Variants in ZNF197 observed in about 807,000 individuals in gnomAD.
The protein encoded by ZNF197 is VHL-associated KRAB-A domain-containing protein.
A neutral mutation model predicts 27.4 loss-of-function variants in ZNF197; 14 were observed. The ratio of observed to expected loss-of-function variants is 0.51; its 90% confidence interval spans 0.34 to 0.80. The LOEUF is 0.80. Among genes scored for constraint, ZNF197 ranks in the 30% least tolerant of loss-of-function variants. ZNF197 has a pLI of 0.02. For synonymous variants in ZNF197, 415 were observed against 420.0 expected (o/e 0.99, Z 0.15); for missense variants, 1,090 against 1,222.6 (o/e 0.89, Z 1.62).
chr3:44,642,674 G>A lies in ZNF197; in HGVS notation c.1544G>A (p.Cys515Tyr). 2 of 1,614,066 alleles carry A rather than the reference G, an allele frequency of 1.2e-6. No homozygotes were observed. Among genetic ancestry groups the A allele is most frequent in the Non-Finnish European group, 1.7e-6 (2 of 1,180,018 alleles). ...KGEEPYKCNKCQKAFILKKSL... is the reference protein window; with the variant it reads ...KGEEPYKCNKYQKAFILKKSL... ...GAAGAACCTTATAAATGTAATAAGT[G>A]TCAGAAAGCTTTCATTCTGAAGAAG... Residue 515 changes from cysteine to tyrosine, a missense_variant, in exon 6 of 6, where the codon TGT becomes TAT. By Grantham distance (194) the Cys-to-Tyr change is radical. Coordinates refer to ENST00000344387, the MANE Select transcript of ZNF197 (RefSeq NM_006991.5).
intron 5 of ZNF197, among the ~76,000 whole-genome samples, chr3:44,639,881 A>T (rs1702501717): frequency 6.6e-6 from 1 of 152,008 alleles, no homozygotes; most frequent in South Asian, 2.1e-4. Context: ...TACCAGAAAA[A>T]CAGGCAGTGG....
At position 44,647,174 on chromosome 3, in the gene ZNF197, CATTTCACTGAAGTATAG is replaced by C. The variant is rs955301509; in HGVS notation, c.*2957_*2973del. ...AATTAGAAAATAAGCAAAAGACAGACATTTCACTGAAGTATAGATAGCAAATAAGCAAATGAAAAGAT... is the reference window on the plus strand; with the variant it reads ...AATTAGAAAATAAGCAAAAGACAGACATAGCAAATAAGCAAATGAAAAGAT... On this transcript the variant is annotated 3_prime_UTR_variant, in exon 6 of 6. Coordinates refer to ENST00000344387, the MANE Select transcript of ZNF197 (RefSeq NM_006991.5). The C allele has an allele frequency of 6.6e-6, 1 of 152,058 alleles. No homozygotes were observed. Among genetic ancestry groups the C allele is most frequent in the African/African-American group, 2.4e-5 (1 of 41,378 alleles). 9.4% of individuals were successfully genotyped at this position (152,058 alleles called of 1,614,324 possible). A position where few individuals can be genotyped will look rare whatever the true frequency, so the allele number is the denominator to read the frequency against.
rs746576414 is a variant in ZNF197, at chr3:44,642,807, C to G, written c.1677C>G (p.Leu559=). ...QTTYLIDHQR[L]HSAENPYKCK... is the part of the protein sequence containing the mutation. Reference sequence around the variant, plus strand: ...CTTATCTTATTGACCATCAGCGACTCCACAGTGCAGAGAACCCTTACAAGT... The same window carrying G: ...CTTATCTTATTGACCATCAGCGACTGCACAGTGCAGAGAACCCTTACAAGT... The change falls in exon 6 of 6, where the codon CTC becomes CTG. Residue 559 remains leucine, a synonymous_variant. Coordinates refer to ENST00000344387, the MANE Select transcript of ZNF197 (RefSeq NM_006991.5). The G allele has an allele frequency of 1.2e-6, 2 of 1,613,746 alleles. No homozygotes were observed. The highest frequency in any genetic ancestry group is 2.2e-5 in the South Asian group (2 of 91,034).
Position 44,642,783 on chromosome 3 carries a change from T to C in ZNF197, c.1653T>C (p.Thr551=), listed in dbSNP as rs778431988. 9.3e-6 allele frequency: 15 copies of C among 1,613,396 alleles called. No homozygotes were observed. The highest frequency in any genetic ancestry group is 1.3e-5 in the Non-Finnish European group (15 of 1,179,940). The change falls in exon 6 of 6, where the codon ACT becomes ACC. Residue 551 remains threonine, a synonymous_variant. Coordinates refer to ENST00000344387, the MANE Select transcript of ZNF197 (RefSeq NM_006991.5). ...DECGKTFAQT[T]YLIDHQRLHS... Reference sequence around the variant, plus strand: ...GTGGAAAGACCTTTGCTCAGACCACTTATCTTATTGACCATCAGCGACTCC... The same window carrying C: ...GTGGAAAGACCTTTGCTCAGACCACCTATCTTATTGACCATCAGCGACTCC...
chr3:44,642,425 G>T lies in ZNF197; in HGVS notation c.1295G>T (p.Gly432Val). Residue 432 changes from glycine to valine, a missense_variant, in exon 6 of 6, where the codon GGG becomes GTG. Physicochemically the swap from Gly to Val is moderately radical, Grantham distance 109. Transcript: ENST00000344387. ...AAACCTTATAAATGTAATGAATGTG[G>T]GAAAGCATTTTCTCAAAGTGCTTAC... ...GEKPYKCNEC[G>V]KAFSQSAYLL... is the part of the protein sequence containing the mutation. 6.2e-7 allele frequency: 1 copy of T among 1,614,092 alleles called. No individual in the cohort carries two copies. The highest frequency in any genetic ancestry group is 8.5e-7 in the Non-Finnish European group (1 of 1,180,012).
rs376663334 is a variant in ZNF197 at position 44,643,256 on chromosome 3, G to C, written c.2126G>C (p.Arg709Pro). The C allele has an allele frequency of 2.5e-6, 4 of 1,613,974 alleles. No homozygotes were observed. Among genetic ancestry groups the C allele is most frequent in the Non-Finnish European group, 3.4e-6 (4 of 1,180,038 alleles). The change falls in exon 6 of 6, where the codon CGA becomes CCA. Residue 709 changes from arginine to proline, a missense_variant. By Grantham distance (103) the Arg-to-Pro change is moderately radical. Coordinates refer to ENST00000344387, the MANE Select transcript of ZNF197 (RefSeq NM_006991.5). ...LHNGEKPYEC[R>P]ECGKTFIMSK... ...AATGGGGAGAAGCCATATGAATGTC[G>C]AGAGTGTGGGAAAACCTTTATTATG...
intron 1 of ZNF197, among the ~76,000 whole-genome samples, chr3:44,625,741 C>T (rs1015794616): frequency 8.9e-5 from 9 of 101,630 alleles, no homozygotes; most frequent in African/African-American, 1.8e-4. Context: ...GGCCTTTGCG[C>T]GCGCGCGCGC....
At chr3:44,631,867 AT>A (rs1267593797) in intron 3 of ZNF197, among the ~76,000 whole-genome samples, 1 of 151,280 alleles carries the variant, frequency 6.6e-6, no homozygotes, top group African/African-American at 2.4e-5. Flanking sequence ...CGCCCAGCTA[AT>A]TTTTTTGTAT....
chr3:44,643,872 T>C lies in ZNF197; in HGVS notation c.2742T>C (p.Asn914=), dbSNP rs775595921. ...CNECGKDFSQ[N]KNLVVHQRMH... Reference sequence around the variant, plus strand: ...AGTGTGGAAAAGACTTTAGTCAGAATAAAAACCTTGTTGTACATCAGAGAA... The same window carrying C: ...AGTGTGGAAAAGACTTTAGTCAGAACAAAAACCTTGTTGTACATCAGAGAA... The change falls in exon 6 of 6, where the codon AAT becomes AAC. Residue 914 remains asparagine, a synonymous_variant. Transcript: ENST00000344387. 1 of 1,613,452 alleles carries C rather than the reference T, an allele frequency of 6.2e-7. No homozygotes were observed. The highest frequency in any genetic ancestry group is 1.3e-5 in the African/African-American group (1 of 74,852).
intron 5 of ZNF197, among the ~76,000 whole-genome samples, chr3:44,638,207 T>G (rs978965063): frequency 2.6e-5 from 4 of 152,180 alleles, no homozygotes; most frequent in Non-Finnish European, 4.4e-5. Context: ...AATCTTATTG[T>G]TTGAGACTAT....
At position 44,646,025 on chromosome 3, in the gene ZNF197, T is replaced by C. The variant is rs1438856754; in HGVS notation, c.*1805T>C. On this transcript the variant is annotated 3_prime_UTR_variant, in exon 6 of 6. Coordinates refer to ENST00000344387, the MANE Select transcript of ZNF197 (RefSeq NM_006991.5). ...TGTCAAAGTGGTGTGTTGATTATCA[T>C]AAATGTTATTAATTCAACCCCACAG... is the stretch of plus-strand genomic sequence containing the variant. 5 of 985,334 alleles carry C rather than the reference T, an allele frequency of 5.1e-6. No individual in the cohort carries two copies. The African/African-American group carries it at 7.0e-5, about 14-fold the overall frequency. 61.0% of individuals were successfully genotyped at this position (985,334 alleles called of 1,614,324 possible).
chr3:44,642,419 A>G lies in ZNF197; in HGVS notation c.1289A>G (p.Glu430Gly), dbSNP rs1457199592. ...GGGGAGAAACCTTATAAATGTAATG[A>G]ATGTGGGAAAGCATTTTCTCAAAGT... The part of the protein sequence containing the change: ...HSGEKPYKCN[E>G]CGKAFSQSAY... The change falls in exon 6 of 6, where the codon GAA becomes GGA. Residue 430 changes from glutamate to glycine, a missense_variant. Coordinates refer to ENST00000344387, the MANE Select transcript of ZNF197 (RefSeq NM_006991.5). 1.2e-6 allele frequency: 2 copies of G among 1,614,166 alleles called. No homozygotes were observed. Among genetic ancestry groups the G allele is most frequent in the South Asian group, 2.2e-5 (2 of 91,076 alleles).
rs971512187 is a variant in ZNF197 at position 44,646,909 on chromosome 3, C to A, written c.*2689C>A. ...TGGATATCCATAGGCAGTAAACCAA[C>A]AACTTCAGGACCTAGGACTGAGCTA... On this transcript the variant is annotated 3_prime_UTR_variant, in exon 6 of 6. Coordinates refer to ENST00000344387, the MANE Select transcript of ZNF197 (RefSeq NM_006991.5). 2.5e-4 allele frequency: 46 copies of A among 184,584 alleles called. No homozygotes were observed. Among genetic ancestry groups the A allele is most frequent in the Admixed American group, 8.2e-4 (14 of 17,096 alleles). The allele number at this position is 184,584 out of a possible 1,614,324, so 11.4% of individuals were successfully genotyped here.
rs1189291183 is a variant in ZNF197, at chr3:44,643,223, G to T, written c.2093G>T (p.Arg698Ile). 1 of 1,614,096 alleles carries T rather than the reference G, an allele frequency of 6.2e-7. No individual in the cohort carries two copies. The highest frequency in any genetic ancestry group is 8.5e-7 in the Non-Finnish European group (1 of 1,180,026). The change falls in exon 6 of 6, where the codon AGA becomes ATA. Residue 698 changes from arginine to isoleucine, a missense_variant. By Grantham distance (97) the Arg-to-Ile change is moderately conservative. Transcript: ENST00000344387. ...AACAGAAACCTCATTGACCATGAGAGACTCCACAATGGGGAGAAGCCATAT... is the reference window on the plus strand; with the variant it reads ...AACAGAAACCTCATTGACCATGAGATACTCCACAATGGGGAGAAGCCATAT... ...GSNRNLIDHERLHNGEKPYEC... is the reference protein window; with the variant it reads ...GSNRNLIDHEILHNGEKPYEC...
In ZNF197 at chr3:44,644,318, T is replaced by C. The variant is rs1017287966; in HGVS notation, c.*98T>C. On this transcript the variant is annotated 3_prime_UTR_variant, in exon 6 of 6. Transcript: ENST00000344387. ...AAGGAAAAAGTTTATTATTTACTCT[T>C]TACTAGACAAATGAGTAGCATATAG... 6.8e-7 allele frequency: 1 copy of C among 1,465,186 alleles called. No individual in the cohort carries two copies. Among genetic ancestry groups the C allele is most frequent in the Non-Finnish European group, 9.0e-7 (1 of 1,114,080 alleles). The allele number at this position is 1,465,186 out of a possible 1,614,324, so 90.8% of individuals were successfully genotyped here.
Position 44,632,381 on chromosome 3 carries a change from C to T in ZNF197, c.643-92C>T. The T allele has an allele frequency of 3.3e-6, 5 of 1,529,788 alleles. No homozygotes were observed. The South Asian group carries it at 5.1e-5, about 16-fold the overall frequency. 94.8% of individuals were successfully genotyped at this position (1,529,788 alleles called of 1,614,324 possible). A position where few individuals can be genotyped will look rare whatever the true frequency, so the allele number is the denominator to read the frequency against. ...CTGATGTCTGTTATGCACTCATGGC[C>T]TCACAGTGTATCCCTTCCCCAGAAG... On this transcript the variant is annotated intron_variant, in intron 4 of 5. Transcript: ENST00000344387.
chr3:44,644,917 T>C lies in ZNF197; in HGVS notation c.*697T>C, dbSNP rs1468504282. On this transcript the variant is annotated 3_prime_UTR_variant, in exon 6 of 6. Coordinates refer to ENST00000344387, the MANE Select transcript of ZNF197 (RefSeq NM_006991.5). Reference sequence around the variant, plus strand: ...TAATAATAAAAAGTGGACATTGTTTTTTAAAATGTGTATAGTATGCATTTT... The same window carrying C: ...TAATAATAAAAAGTGGACATTGTTTCTTAAAATGTGTATAGTATGCATTTT... 22 of 984,432 alleles carry C rather than the reference T, an allele frequency of 2.2e-5. No homozygotes were observed. Among genetic ancestry groups the C allele is most frequent in the Non-Finnish European group, 2.5e-5 (21 of 829,106 alleles). 61.0% of individuals were successfully genotyped at this position (984,432 alleles called of 1,614,324 possible).
Position 44,637,232 on chromosome 3 carries a change from G to C in ZNF197, c.769+4633G>C, listed in dbSNP as rs375176866. Reference sequence around the variant, plus strand: ...CAGCCTTGAATTCCTGGGCTCAAGCGATCCTCTCACCTCAGCCTCCCAAGT... The same window carrying C: ...CAGCCTTGAATTCCTGGGCTCAAGCCATCCTCTCACCTCAGCCTCCCAAGT... On this transcript the variant is annotated intron_variant, in intron 5 of 5. Transcript: ENST00000344387. 5.9e-5 allele frequency among the ~76,000 whole-genome samples: 9 copies of C among 152,154 alleles called. No individual in the cohort carries two copies. In the East Asian group the frequency reaches 1.2e-3, roughly 20 times the overall value.
chr3:44,641,989 C>A lies in ZNF197; in HGVS notation c.859C>A (p.Leu287Ile). Residue 287 changes from leucine to isoleucine, a missense_variant, in exon 6 of 6, where the codon CTT becomes ATT. Transcript: ENST00000344387. ...ADSHKGTSKR[L>I]QGSVPQVLDF... ...CTCTCATAAAGGAACATCAAAAAGA[C>A]TTCAAGGAAGTGTTCCCCAGGTCCT... 1 of 1,613,666 alleles carries A rather than the reference C, an allele frequency of 6.2e-7. No individual in the cohort carries two copies. The highest frequency in any genetic ancestry group is 2.2e-5 in the East Asian group (1 of 44,846).
Sources: gnomAD v4.1 joint callset for allele counts (sites outside exome capture counted in the v4.1 genomes callset) on GRCh38, gnomAD v4.1.1 for gene constraint, MANE v1.5 for transcripts, NCBI Gene and HGNC (gene_info 2026-07-23, HGNC 2026-07-21) for gene names.